The following SMG9 variants were observed in gnomAD, a reference collection of about 807,000 sequenced individuals.
SMG9 encodes SMG9 nonsense mediated mRNA decay factor.
Under a neutral mutation model 64.0 loss-of-function variants are expected in SMG9, and 55 were observed. That is an observed-to-expected ratio of 0.86 (90% CI 0.69 to 1.08). The LOEUF (loss-of-function observed/expected upper bound fraction) is 1.08, where lower values mean the gene tolerates loss of function less well. Among genes scored for constraint, SMG9 ranks in the 50% least tolerant of loss-of-function variants. SMG9 has a pLI of 0.00. For synonymous variants in SMG9, 244 were observed against 254.8 expected, an observed-to-expected ratio of 0.96 and a Z score of 0.41; for missense variants, 554 against 681.3, an observed-to-expected ratio of 0.81 and a Z score of 2.08.
intron 13 of SMG9, chr19:43,732,304 G>A (rs1839538083): frequency 6.2e-6 from 1 of 161,348 alleles, no homozygotes; most frequent in Non-Finnish European, 1.4e-5. Flanking sequence ...CTCATATGCT[G>A]AGAGCTCTGG....
intron 2 of SMG9, chr19:43,748,894 AAAAACT>A: frequency 2.0e-6 from 1 of 498,664 alleles, no homozygotes; most frequent in Non-Finnish European, 4.0e-6. Context: ...GTTTCAAGGG[AAAAACT>A]ACAGGAGGAG....
In SMG9 at chr19:43,744,839, G is replaced by A. The variant is rs777398451; in HGVS notation, c.634C>T (p.Leu212Phe). ...TDVLVVGVLG[L>F]QGTGKSMVMS... ...ACCATGGACTTGCCTGTCCCCTGGA[G>A]GCCCAGGACACCAACCACCAACACA... The change falls in exon 6 of 14, where the codon CTC (leucine) becomes TTC (phenylalanine). Residue 212 changes from leucine to phenylalanine, a missense_variant. Coordinates refer to ENST00000270066, the MANE Select transcript of SMG9 (RefSeq NM_019108.4). The A allele has an allele frequency of 1.9e-6, 3 of 1,613,800 alleles. No homozygotes were observed. In the South Asian group the frequency reaches 3.3e-5, roughly 18 times the overall value.
At position 43,748,753 on chromosome 19, in the gene SMG9, G is replaced by C. The variant is rs35732809; in HGVS notation, c.151-701C>G. The C allele has an allele frequency of 1.1e-3, 593 of 520,194 alleles. 3 individuals carry two copies. The highest frequency in any genetic ancestry group is 0.01 in the African/African-American group (521 of 52,092). 32.2% of individuals were successfully genotyped at this position (520,194 alleles called of 1,614,324 possible). On this transcript the variant is annotated intron_variant, in intron 2 of 13. Coordinates refer to ENST00000270066, the MANE Select transcript of SMG9 (RefSeq NM_019108.4). ...TCTCTGGTTCCTTGAGTAACCTCAT[G>C]AGAGTCTTGACCCCTAACTGTGTCT... is the stretch of plus-strand genomic sequence containing the variant.
intron 10 of SMG9, 90 bp downstream of exon 10, chr19:43,734,299 T>C: frequency 9.5e-7 from 1 of 1,056,496 alleles, no homozygotes; most frequent in Non-Finnish European, 1.4e-6. Flanking sequence ...CACTCCTTCC[T>C]CTCTCTCCCC....
At position 43,732,863 on chromosome 19, in the gene SMG9, C is replaced by A. The variant is rs1350956906; in HGVS notation, c.1479G>T (p.Lys493Asn). The A allele has an allele frequency of 6.2e-7, 1 of 1,613,870 alleles. No homozygotes were observed. Among genetic ancestry groups the A allele is most frequent in the Non-Finnish European group, 8.5e-7 (1 of 1,180,012 alleles). Reference sequence around the variant, plus strand: ...CCTCTGCAAAGAGCTCTTACCAGTTCTTCTCGGTGAGGATCGTGTGTGACA... The same window carrying A: ...CCTCTGCAAAGAGCTCTTACCAGTTATTCTCGGTGAGGATCGTGTGTGACA... ...PQLSHTILTE[K>N]NWFHYAARIW... Residue 493 changes from lysine (K) to asparagine (N), a missense_variant, in exon 13 of 14, where the codon AAG (lysine) becomes AAT (asparagine). Physicochemically the swap from Lys to Asn is moderately conservative, Grantham distance 94. Transcript: ENST00000270066.
intron 1 of SMG9, 128 bp downstream of exon 1, chr19:43,754,526 C>T (rs1410636701): frequency 6.6e-6 from 1 of 152,178 alleles, no homozygotes; most frequent in Non-Finnish European, 1.5e-5. Context: ...CGCCGGCCCC[C>T]TACTCAGTGC....
intron 9 of SMG9, among the ~76,000 whole-genome samples, chr19:43,736,720 T>A (rs985662410): frequency 6.6e-6 from 1 of 152,118 alleles, no homozygotes; most frequent in African/African-American, 2.4e-5. Flanking sequence ...AGGGCTTACA[T>A]TCGAATGGGG....
Position 43,727,999 on chromosome 19 carries a change from T to C in SMG9, c.*3597A>G, listed in dbSNP as rs1039578569. On this transcript the variant is annotated 3_prime_UTR_variant, in exon 14 of 14. Coordinates refer to ENST00000270066, the MANE Select transcript of SMG9 (RefSeq NM_019108.4). ...TCGCTTGCATTAAGGAGAAAGAGTA[T>C]GTATTGGCTCATTTATTTGCAAAGT... The C allele has an allele frequency of 2.0e-5, 3 of 152,216 alleles. No individual in the cohort carries two copies. The highest frequency in any genetic ancestry group is 6.5e-5 in the Admixed American group (1 of 15,282). The allele number at this position is 152,216 out of a possible 1,614,324, so 9.4% of individuals were successfully genotyped here.
chr19:43,733,162 C>T, intron 12 of SMG9, 160 bp from the exon 13 acceptor site: 6 of 1,328,368 alleles, frequency 4.5e-6, no homozygotes, highest in African/African-American at 1.5e-5. Context: ...AAAGGGTCCA[C>T]ACACCCCAGG....
At chr19:43,753,187 G>A (rs1267390711) in intron 1 of SMG9, among the ~76,000 whole-genome samples, 2 of 152,124 alleles carry the variant, frequency 1.3e-5, no homozygotes, top group Admixed American at 1.3e-4. Flanking sequence ...GACAGAGGAG[G>A]ACAAGGGCCT....
chr19:43,747,399 G>A (rs375715831), intron 5 of SMG9, 43 bp downstream of exon 5: 60 of 1,583,802 alleles, frequency 3.8e-5, no homozygotes, highest in African/African-American at 5.4e-5. Context: ...ATCAGAGGAT[G>A]CAGGATGTGC....
Position 43,739,978 on chromosome 19 carries a change from G to A in SMG9, c.813+129C>T, listed in dbSNP as rs1600199348. 5.6e-6 allele frequency: 4 copies of A among 715,214 alleles called. No individual in the cohort carries two copies. In the South Asian group the frequency reaches 6.5e-5, roughly 12 times the overall value. The allele number at this position is 715,214 out of a possible 1,614,324, so 44.3% of individuals were successfully genotyped here. On this transcript the variant is annotated intron_variant, in intron 7 of 13. Coordinates refer to ENST00000270066, the MANE Select transcript of SMG9 (RefSeq NM_019108.4). ...AAGAAAAGACACAATTTGCCCCAGG[G>A]CAGCCAGTATGTCCATGGCTTGACT...
chr19:43,738,398 T>C (rs1968743111), intron 7 of SMG9, among the ~76,000 whole-genome samples, 181 bp from the exon 8 acceptor site: 1 of 152,296 alleles, frequency 6.6e-6, no homozygotes, highest in South Asian at 2.1e-4. Flanking sequence ...TCCAGCTCCT[T>C]TACAAATCAC....
At chr19:43,748,678 A>C in intron 2 of SMG9, 1 of 519,794 alleles carries the variant, frequency 1.9e-6, no homozygotes, top group South Asian at 1.4e-5. Context: ...TCCCCAACTT[A>C]CCCTCAGTCT....
intron 13 of SMG9, 95 bp from the exon 14 acceptor site, chr19:43,731,769 G>T: frequency 7.0e-7 from 1 of 1,436,670 alleles, no homozygotes; most frequent in South Asian, 1.2e-5. Flanking sequence ...CCCCTTTTAT[G>T]ACCTGAGATG....
chr19:43,733,814 T>C (rs567036597), intron 10 of SMG9, 81 bp from the exon 11 acceptor site: 1 of 962,522 alleles, frequency 1.0e-6, no homozygotes, highest in Admixed American at 2.0e-5. Flanking sequence ...CAAAGACCTG[T>C]TGTTACCCCT....
In SMG9 at chr19:43,754,717, G is replaced by C. The variant is rs955243529; in HGVS notation, c.-70C>G. ...CGCTCTCCCGTGACGGGAGTCGGGT[G>C]GGGGCGGGGAGGCTGACCCAAGCCA... On this transcript the variant is annotated 5_prime_UTR_variant, in exon 1 of 14. Coordinates refer to ENST00000270066, the MANE Select transcript of SMG9 (RefSeq NM_019108.4). 2.0e-5 allele frequency: 3 copies of C among 152,312 alleles called. No individual in the cohort carries two copies. Among genetic ancestry groups the C allele is most frequent in the African/African-American group, 7.2e-5 (3 of 41,562 alleles). 9.4% of individuals were successfully genotyped at this position (152,312 alleles called of 1,614,324 possible).
At chr19:43,747,953 C>G in intron 3 of SMG9, 25 bp downstream of exon 3, 2 of 1,614,180 alleles carry the variant, frequency 1.2e-6, no homozygotes, top group Non-Finnish European at 1.7e-6. Context: ...TAACGGCTCC[C>G]CCTCCTCCCT....
intron 9 of SMG9, among the ~76,000 whole-genome samples, chr19:43,736,558 C>A (rs1478296533): frequency 6.6e-6 from 1 of 152,168 alleles, no homozygotes; most frequent in Non-Finnish European, 1.5e-5. Flanking sequence ...TCCCTGAGTA[C>A]CAACAGGAGG....
Sources: allele counts gnomAD v4.1 joint callset (sites outside exome capture counted in the v4.1 genomes callset), GRCh38; gene constraint gnomAD v4.1.1; transcripts MANE v1.5; gene names NCBI Gene and HGNC (gene_info 2026-07-23, HGNC 2026-07-21).